Variants in RASSF9 observed in about 807,000 individuals in gnomAD.
RASSF9 encodes ras association domain-containing protein 9.
A neutral mutation model predicts 21.4 loss-of-function variants in RASSF9; 18 were observed. The observed-to-expected ratio is 0.84, with a 90% CI of 0.58 to 1.25. RASSF9 has a LOEUF of 1.25. Among genes scored for constraint, RASSF9 ranks in the 50% most tolerant of loss-of-function variants. RASSF9 has a pLI of 0.00. For synonymous variants in RASSF9, 183 were observed against 179.1 expected (o/e 1.02, Z -0.18); for missense variants, 480 against 503.2 (o/e 0.95, Z 0.44).
chr12:85,827,408 G>C (rs555958646), intron 1 of RASSF9, among the ~76,000 whole-genome samples: 2 of 152,062 alleles, frequency 1.3e-5, no homozygotes, highest in Non-Finnish European at 2.9e-5. Flanking sequence ...ACCGCAACTA[G>C]AGTCCCTGCT....
At position 85,805,975 on chromosome 12, in the gene RASSF9, C is replaced by T; in HGVS notation, c.48-13G>A. The T allele has an allele frequency of 6.3e-7, 1 of 1,594,864 alleles. No individual in the cohort carries two copies. The highest frequency in any genetic ancestry group is 1.1e-5 in the South Asian group (1 of 89,022). ...TTTAGTTGGAGATCTGAAAGAAAAA[C>T]AAAAGCACATTATATTTCTGTCATT... On this transcript the variant is annotated splice_polypyrimidine_tract_variant and intron_variant, in intron 1 of 1. Coordinates refer to ENST00000361228, the MANE Select transcript of RASSF9 (RefSeq NM_005447.4).
intron 1 of RASSF9, among the ~76,000 whole-genome samples, chr12:85,826,694 C>T (rs534322279): frequency 6.6e-6 from 1 of 151,138 alleles, no homozygotes; most frequent in Non-Finnish European, 1.5e-5. Flanking sequence ...CTGCCTGCCT[C>T]GGCCTCCCAA....
At position 85,836,310 on chromosome 12, in the gene RASSF9, C is replaced by G; in HGVS notation, c.-109G>C. ...GGAGGAGGGCTGGAAGCTTTCTCTT[C>G]TCCTCGGATGTTCCTGGCTTTCAGC... On this transcript the variant is annotated 5_prime_UTR_variant, in exon 1 of 2. Coordinates refer to ENST00000361228, the MANE Select transcript of RASSF9 (RefSeq NM_005447.4). The G allele has an allele frequency of 6.5e-7, 1 of 1,534,686 alleles. No individual in the cohort carries two copies. Among genetic ancestry groups the G allele is most frequent in the Non-Finnish European group, 8.8e-7 (1 of 1,139,418 alleles).
At chr12:85,823,679 C>G (rs944589543) in intron 1 of RASSF9, among the ~76,000 whole-genome samples, 1 of 152,130 alleles carries the variant, frequency 6.6e-6, no homozygotes, top group Admixed American at 6.5e-5. Context: ...CTGCTTAATT[C>G]TTTTTGGAAT....
At chr12:85,812,238 T>C (rs1879969231) in intron 1 of RASSF9, among the ~76,000 whole-genome samples, 1 of 151,724 alleles carries the variant, frequency 6.6e-6, no homozygotes. Context: ...TGCACATAAC[T>C]ATTCTTAGTT....
chr12:85,815,205 G>C (rs571322951), intron 1 of RASSF9, among the ~76,000 whole-genome samples: 1 of 151,986 alleles, frequency 6.6e-6, no homozygotes, highest in African/African-American at 2.4e-5. Context: ...CTGGTTTAGG[G>C]GAGTTGTAGG....
chr12:85,822,454 C>T (rs1285748673), intron 1 of RASSF9, among the ~76,000 whole-genome samples: 1 of 152,054 alleles, frequency 6.6e-6, no homozygotes, highest in Non-Finnish European at 1.5e-5. Context: ...GAATAATCAA[C>T]TATTTACATT....
rs1428365296 is a variant in RASSF9 at position 85,801,033 on chromosome 12, T to A, written c.*3669A>T. On this transcript the variant is annotated 3_prime_UTR_variant, in exon 2 of 2. Coordinates refer to ENST00000361228, the MANE Select transcript of RASSF9 (RefSeq NM_005447.4). The stretch of plus-strand genomic sequence containing the variant: ...ACACACTAATGAGGTGTTGTTATTT[T>A]ACTTAAGAAGAAAAATGAAATAGAT... The A allele has an allele frequency of 6.6e-6, 1 of 152,038 alleles. No individual in the cohort carries two copies. The highest frequency in any genetic ancestry group is 1.5e-5 in the Non-Finnish European group (1 of 67,982). The allele number at this position is 152,038 out of a possible 1,614,324, so 9.4% of individuals were successfully genotyped here.
intron 1 of RASSF9, among the ~76,000 whole-genome samples, chr12:85,824,457 G>C (rs1213922159): frequency 6.6e-6 from 1 of 152,076 alleles, no homozygotes; most frequent in Non-Finnish European, 1.5e-5. Context: ...TATTACTGCA[G>C]TAAGATATCG....
At chr12:85,836,035 T>C in intron 1 of RASSF9, 120 bp downstream of exon 1, 1 of 1,524,672 alleles carries the variant, frequency 6.6e-7, no homozygotes, top group Non-Finnish European at 8.8e-7. Flanking sequence ...ACGAAGCCTT[T>C]TTTTATCAGA....
Position 85,804,532 on chromosome 12 carries a change from G to A in RASSF9, c.*170C>T, listed in dbSNP as rs1592525353. The A allele has an allele frequency of 3.1e-6, 2 of 643,874 alleles. No homozygotes were observed. The highest frequency in any genetic ancestry group is 8.6e-5 in the South Asian group (2 of 23,160). 39.9% of individuals were successfully genotyped at this position (643,874 alleles called of 1,614,324 possible). ...ATTGCTTGAACTTGCAATAATTAAAGTTCCTTTGGAAATTTCACATCAGAA... is the reference window on the plus strand; with the variant it reads ...ATTGCTTGAACTTGCAATAATTAAAATTCCTTTGGAAATTTCACATCAGAA... On this transcript the variant is annotated 3_prime_UTR_variant, in exon 2 of 2. Transcript: ENST00000361228.
At chr12:85,808,712 CAT>C (rs148836001) in intron 1 of RASSF9, among the ~76,000 whole-genome samples, 9,474 of 151,858 alleles carry the variant, frequency 0.062, 342 homozygotes, top group Non-Finnish European at 0.079. Flanking sequence ...TTTTGTACCA[CAT>C]AGAGTTAATT....
intron 1 of RASSF9, among the ~76,000 whole-genome samples, chr12:85,818,511 G>A (rs965241940): frequency 4.0e-5 from 6 of 151,644 alleles, no homozygotes; most frequent in African/African-American, 1.2e-4. Flanking sequence ...TTGCTTTTTT[G>A]GCATAAAAAC....
In RASSF9 at chr12:85,800,863, T is replaced by C. The variant is rs1022395987; in HGVS notation, c.*3839A>G. 2 of 151,850 alleles carry C rather than the reference T, an allele frequency of 1.3e-5. No individual in the cohort carries two copies. The highest frequency in any genetic ancestry group is 2.4e-5 in the African/African-American group (1 of 41,416). The allele number at this position is 151,850 out of a possible 1,614,324, so 9.4% of individuals were successfully genotyped here. A position where few individuals can be genotyped will look rare whatever the true frequency, so the allele number is the denominator to read the frequency against. On this transcript the variant is annotated 3_prime_UTR_variant, in exon 2 of 2. Coordinates refer to ENST00000361228, the MANE Select transcript of RASSF9 (RefSeq NM_005447.4). The stretch of plus-strand genomic sequence containing the variant: ...ATATATCAGGATAAAATGTATTTCT[T>C]TGTCACTAGAAAAATATGTTTTAAA...
chr12:85,836,397 G>A lies in RASSF9; in HGVS notation c.-196C>T. On this transcript the variant is annotated 5_prime_UTR_variant, in exon 1 of 2. Coordinates refer to ENST00000361228, the MANE Select transcript of RASSF9 (RefSeq NM_005447.4). ...TGCAACTGCTGCTTAACTTTGAACT[G>A]CGGGATTGTTGTGGCTGCTGCACCT... 1 of 1,261,932 alleles carries A rather than the reference G, an allele frequency of 7.9e-7. No individual in the cohort carries two copies. The highest frequency in any genetic ancestry group is 1.1e-6 in the Non-Finnish European group (1 of 934,226). The allele number at this position is 1,261,932 out of a possible 1,614,324, so 78.2% of individuals were successfully genotyped here.
At chr12:85,827,080 A>G (rs1880350438) in intron 1 of RASSF9, among the ~76,000 whole-genome samples, 1 of 151,828 alleles carries the variant, frequency 6.6e-6, no homozygotes, top group Non-Finnish European at 1.5e-5. Flanking sequence ...CTAACATACC[A>G]CTCTATCTCA....
At chr12:85,818,823 G>T (rs919734083) in intron 1 of RASSF9, among the ~76,000 whole-genome samples, 9 of 152,034 alleles carry the variant, frequency 5.9e-5, no homozygotes, top group African/African-American at 2.2e-4. Context: ...GCCGGGCGTG[G>T]TGGCGGGCGC....
At chr12:85,823,422 T>A (rs1158139935) in intron 1 of RASSF9, among the ~76,000 whole-genome samples, 1 of 152,148 alleles carries the variant, frequency 6.6e-6, no homozygotes, top group African/African-American at 2.4e-5. Flanking sequence ...GGATCTTCCT[T>A]TGCTTTTCCA....
Position 85,802,060 on chromosome 12 carries a change from G to A in RASSF9, c.*2642C>T, listed in dbSNP as rs2136546881. The A allele has an allele frequency of 6.6e-6, 1 of 152,334 alleles. No individual in the cohort carries two copies. Among genetic ancestry groups the A allele is most frequent in the African/African-American group, 2.4e-5 (1 of 41,582 alleles). 9.4% of individuals were successfully genotyped at this position (152,334 alleles called of 1,614,324 possible). A position where few individuals can be genotyped will look rare whatever the true frequency, so the allele number is the denominator to read the frequency against. ...AGAAGGATAAAAAGGAGAATTCCAA[G>A]TGGAAGGATGACCAAGGATGAATCT... On this transcript the variant is annotated 3_prime_UTR_variant, in exon 2 of 2. Transcript: ENST00000361228.
Sources: allele counts gnomAD v4.1 joint callset (sites outside exome capture counted in the v4.1 genomes callset), GRCh38; gene constraint gnomAD v4.1.1; transcripts MANE v1.5; gene names NCBI Gene and HGNC (gene_info 2026-07-23, HGNC 2026-07-21).